Variants in MYOF observed in about 807,000 individuals in gnomAD.
The protein encoded by MYOF is fer-1-like 3, myoferlin.
MYOF carries 244 observed loss-of-function variants against 284.2 expected under a neutral mutation model. The observed-to-expected ratio is 0.86, with a 90% CI of 0.77 to 0.95. MYOF has a LOEUF of 0.95. MYOF is among the 40% of genes least tolerant of loss of function. MYOF has a pLI of 0.00. For missense variants in MYOF, 2,496 were observed against 2,560.6 expected (o/e 0.97, Z 0.54); for synonymous variants, 904 against 919.7 (o/e 0.98, Z 0.31).
intron 4 of MYOF, among the ~76,000 whole-genome samples, chr10:93,429,972 T>C (rs1276222354): frequency 1.3e-5 from 2 of 151,592 alleles, no homozygotes; most frequent in Admixed American, 1.3e-4. Flanking sequence ...TCTTGCTCTG[T>C]TGCCCAGGCT....
intron 17 of MYOF, among the ~76,000 whole-genome samples, chr10:93,389,633 T>A (rs1369820914): frequency 6.6e-6 from 1 of 152,230 alleles, no homozygotes; most frequent in African/African-American, 2.4e-5. Flanking sequence ...TTTTAAATTT[T>A]ATATGTAATA....
intron 42 of MYOF, among the ~76,000 whole-genome samples, 189 bp downstream of exon 42, chr10:93,333,569 G>A (rs1377093027): frequency 6.6e-6 from 1 of 152,172 alleles, no homozygotes; most frequent in East Asian, 1.9e-4. Context: ...TGAACCAGGG[G>A]ACCTTAAGCC....
intron 2 of MYOF, among the ~76,000 whole-genome samples, chr10:93,456,128 C>A (rs1371585773): frequency 1.3e-5 from 2 of 151,946 alleles, no homozygotes; most frequent in African/African-American, 4.8e-5. Flanking sequence ...TAATTTTATG[C>A]TTTTGAATTA....
chr10:93,452,560 TG>T (rs1170262786), intron 2 of MYOF, among the ~76,000 whole-genome samples: 1 of 63,742 alleles, frequency 1.6e-5, no homozygotes, highest in Non-Finnish European at 2.8e-5. Context: ...CGTTGTGGGG[TG>T]GGGGGAGGGG....
At chr10:93,370,430 G>A (rs1357153595) in intron 24 of MYOF, among the ~76,000 whole-genome samples, 1 of 148,946 alleles carries the variant, frequency 6.7e-6, no homozygotes, top group Non-Finnish European at 1.5e-5. Context: ...TCCCTCCCCA[G>A]CTGCCAGAGT....
chr10:93,478,224 A>G, intron 1 of MYOF: 1 of 346,766 alleles, frequency 2.9e-6, no homozygotes, highest in Non-Finnish European at 5.8e-6. Flanking sequence ...CAAGTCTCAG[A>G]GTTGAAATTG....
intron 5 of MYOF, among the ~76,000 whole-genome samples, chr10:93,412,641 G>T (rs1847945578): frequency 6.6e-6 from 1 of 152,118 alleles, no homozygotes; most frequent in Admixed American, 6.5e-5. Context: ...CTACTCCCAG[G>T]CATTTCAGAA....
intron 36 of MYOF, among the ~76,000 whole-genome samples, chr10:93,348,717 A>AAACT (rs750297916): frequency 1.8e-4 from 27 of 152,254 alleles, no homozygotes; most frequent in Non-Finnish European, 3.1e-4. Context: ...ACCTATGTGC[A>AAACT]AACTCTGGCC....
chr10:93,412,276 A>AGT (rs1564697690), intron 5 of MYOF, among the ~76,000 whole-genome samples: 5 of 152,246 alleles, frequency 3.3e-5, no homozygotes, highest in African/African-American at 1.2e-4. Flanking sequence ...GTACCTCAAC[A>AGT]TCTTTTTCAG....
chr10:93,310,485 C>T (rs1198092883), intron 52 of MYOF, 49 bp downstream of exon 52: 1 of 1,576,150 alleles, frequency 6.3e-7, no homozygotes, highest in Non-Finnish European at 8.7e-7. Flanking sequence ...AAGGGGGGCT[C>T]TCAGCCTGCA....
intron 1 of MYOF, among the ~76,000 whole-genome samples, chr10:93,480,964 C>T (rs1444917380): frequency 6.6e-6 from 1 of 152,132 alleles, no homozygotes; most frequent in East Asian, 1.9e-4. Context: ...TCAGGAAACA[C>T]ATGTCTATCC....
At chr10:93,319,108 A>G (rs1842745322) in intron 49 of MYOF, among the ~76,000 whole-genome samples, 2 of 152,272 alleles carry the variant, frequency 1.3e-5, no homozygotes, top group South Asian at 4.2e-4. Flanking sequence ...GGATAGGCAC[A>G]TGACCCCCAA....
chr10:93,381,470 C>T (rs138495915), intron 19 of MYOF, 74 bp from the exon 20 acceptor site: 181 of 1,436,434 alleles, frequency 1.3e-4, no homozygotes, highest in South Asian at 6.1e-4. Flanking sequence ...TTCTAGGAGA[C>T]GCAATTCTAC....
intron 48 of MYOF, among the ~76,000 whole-genome samples, chr10:93,322,509 G>C (rs1048389043): frequency 6.6e-6 from 1 of 152,204 alleles, no homozygotes; most frequent in Non-Finnish European, 1.5e-5. Flanking sequence ...TCAAGGCATA[G>C]CCATCCACAG....
chr10:93,371,348 T>G (rs1845579088), intron 24 of MYOF, among the ~76,000 whole-genome samples: 1 of 152,194 alleles, frequency 6.6e-6, no homozygotes, highest in South Asian at 2.1e-4. Flanking sequence ...ATTATAATAC[T>G]CCTCCCTTTT....
intron 50 of MYOF, among the ~76,000 whole-genome samples, chr10:93,315,409 C>T (rs111526245): frequency 5.3e-5 from 8 of 152,072 alleles, no homozygotes; most frequent in South Asian, 4.2e-4. Context: ...GAGTGGCTGG[C>T]GGGGCGTGGG....
chr10:93,469,296 G>A (rs1424683828), intron 1 of MYOF, among the ~76,000 whole-genome samples: 1 of 152,130 alleles, frequency 6.6e-6, no homozygotes, highest in Non-Finnish European at 1.5e-5. Context: ...AGCTACTTGG[G>A]AGGCTGAGGC....
rs376203505 is a variant in MYOF at position 93,456,975 on chromosome 10, T to C, written c.89-38A>G. 434 of 1,504,060 alleles carry C rather than the reference T, an allele frequency of 2.9e-4. No individual in the cohort carries two copies. The Middle Eastern group carries it at 3.4e-3, about 12-fold the overall frequency. The allele number at this position is 1,504,060 out of a possible 1,614,324, so 93.2% of individuals were successfully genotyped here. A position where few individuals can be genotyped will look rare whatever the true frequency, so the allele number is the denominator to read the frequency against. ...TAAAGGAAGAGACAGCAATCATTTA[T>C]AAAAAAATTAAAGAGCGTGGGCCAT... is the stretch of plus-strand genomic sequence containing the variant. On this transcript the variant is annotated intron_variant, in intron 1 of 53. Transcript: ENST00000359263.
chr10:93,373,109 G>A, intron 23 of MYOF, 24 bp from the exon 24 acceptor site: 1 of 1,614,080 alleles, frequency 6.2e-7, no homozygotes. Flanking sequence ...TTGGATGGAA[G>A]AGGAAGCACA....
Sources: gnomAD v4.1 joint callset for allele counts (sites outside exome capture counted in the v4.1 genomes callset) on GRCh38, gnomAD v4.1.1 for gene constraint, MANE v1.5 for transcripts, NCBI Gene and HGNC (gene_info 2026-07-23, HGNC 2026-07-21) for gene names.